The following RAB3IL1 variants were observed in gnomAD, a reference collection of about 807,000 sequenced individuals.
The protein encoded by RAB3IL1 is RAB3A interacting protein like 1.
A neutral mutation model predicts 49.2 loss-of-function variants in RAB3IL1; 37 were observed. That is an observed-to-expected ratio of 0.75 (90% CI 0.58 to 0.99). The LOEUF is 0.99. RAB3IL1 is among the 50% of genes least tolerant of loss of function. The pLI, the probability that RAB3IL1 is intolerant of heterozygous loss-of-function variation, is 0.00. For missense variants in RAB3IL1, 484 were observed against 513.0 expected (o/e 0.94, Z 0.55); for synonymous variants, 193 against 213.9 (o/e 0.90, Z 0.85).
At chr11:61,899,010 G>T (rs1198972704) in intron 9 of RAB3IL1, 2 of 530,592 alleles carry the variant, frequency 3.8e-6, no homozygotes, top group Admixed American at 2.3e-5. Context: ...GGGTGACCCT[G>T]TGTTCAGGTG....
At chr11:61,902,659 TC>T in intron 7 of RAB3IL1, 118 bp from the exon 8 acceptor site, 4 of 911,712 alleles carry the variant, frequency 4.4e-6, no homozygotes, top group Non-Finnish European at 5.0e-6. Context: ...AGGCCTCCCT[TC>T]CCCCACCCGG....
At chr11:61,913,766 C>A (rs1939563819) in intron 1 of RAB3IL1, among the ~76,000 whole-genome samples, 1 of 152,208 alleles carries the variant, frequency 6.6e-6, no homozygotes, top group African/African-American at 2.4e-5. Flanking sequence ...CAGCCATGAT[C>A]CATCCAATCT....
intron 8 of RAB3IL1, among the ~76,000 whole-genome samples, chr11:61,902,128 A>G (rs1938947237): frequency 6.6e-6 from 1 of 152,028 alleles, no homozygotes; most frequent in South Asian, 2.1e-4. Flanking sequence ...CAGCCTGGCC[A>G]ACGTGGTGAA....
At chr11:61,923,728 G>A (rs918089744), upstream of RAB3IL1, among the ~76,000 whole-genome samples, 1 of 152,198 alleles carries the variant, frequency 6.6e-6, no homozygotes, top group African/African-American at 2.4e-5. Context: ...CTGAAAGCCA[G>A]TTCTGGCTGC....
the RAB3IL1 span, among the ~76,000 whole-genome samples, chr11:61,938,709 T>C: frequency 6.6e-6 from 1 of 152,116 alleles, no homozygotes; most frequent in Non-Finnish European, 1.5e-5. Flanking sequence ...GCAGATCACC[T>C]GAGGTCAGGA....
At position 61,898,489 on chromosome 11, in the gene RAB3IL1, C is replaced by T. The variant is rs1367618600; in HGVS notation, c.1067-129G>A. The stretch of plus-strand genomic sequence containing the variant: ...ACCCTAGGGTCCCCGGCCCCCAAAA[C>T]AGATGACCTCAGTGAGTGGCTGGAC... On this transcript the variant is annotated intron_variant, in intron 9 of 9. Transcript: ENST00000394836. The surrounding 1 kb of genome is among the most constrained non-coding windows in gnomAD (Gnocchi z 5.1). 2.7e-6 allele frequency: 2 copies of T among 727,398 alleles called. No individual in the cohort carries two copies. Among genetic ancestry groups the T allele is most frequent in the South Asian group, 1.6e-5 (1 of 62,662 alleles). The allele number at this position is 727,398 out of a possible 1,614,324, so 45.1% of individuals were successfully genotyped here. A position where few individuals can be genotyped will look rare whatever the true frequency, so the allele number is the denominator to read the frequency against.
At chr11:61,900,919 T>G (rs1157622043) in intron 8 of RAB3IL1, among the ~76,000 whole-genome samples, 2 of 151,564 alleles carry the variant, frequency 1.3e-5, no homozygotes. Context: ...AAGTGGCCAC[T>G]GAACAAGGCT....
At position 61,900,525 on chromosome 11, in the gene RAB3IL1, C is replaced by T. The variant is rs192814223; in HGVS notation, c.1000-1145G>A. On this transcript the variant is annotated intron_variant, in intron 8 of 9. Coordinates refer to ENST00000394836, the MANE Select transcript of RAB3IL1 (RefSeq NM_013401.4). ...GGACCAGCCCGTCGTGGCAGGGACA[C>T]CGCTGCACAGGGAGGGTTGAGGAGA... Among the ~76,000 whole-genome samples, 6 of 152,130 alleles carry T rather than the reference C, an allele frequency of 3.9e-5. No homozygotes were observed. The East Asian group carries it at 9.6e-4, about 24-fold the overall frequency.
the RAB3IL1 span, among the ~76,000 whole-genome samples, chr11:61,930,975 G>A: frequency 5.2e-3 from 786 of 152,240 alleles, 5 homozygotes; most frequent in Middle Eastern, 0.024. Flanking sequence ...GGGGAAAATA[G>A]ACACATCTAT....
rs146307167 is a variant in RAB3IL1 at position 61,906,611 on chromosome 11, C to T, written c.512G>A (p.Arg171His). Residue 171 changes from arginine (R) to histidine (H), a missense_variant, in exon 5 of 10, where the codon CGC becomes CAC. By Grantham distance (29) the Arg-to-His change is conservative. Transcript: ENST00000394836. The surrounding 1 kb of genome is among the most constrained non-coding windows in gnomAD (Gnocchi z 4.6). ...GCTCAGCAGCTGGGGGTGAAGCTCG[C>T]GGTTGGGAGAGGCTGGTGTGGACGT... ...VITSTPASPN[R>H]ELHPQLLSPT... The T allele has an allele frequency of 1.4e-5, 23 of 1,611,566 alleles. No homozygotes were observed. The highest frequency in any genetic ancestry group is 1.2e-4 in the Admixed American group (7 of 59,742).
chr11:61,898,449 AGCAGCTG>A lies in RAB3IL1; in HGVS notation c.1067-96_1067-90del. 1 of 1,137,316 alleles carries A rather than the reference AGCAGCTG, an allele frequency of 8.8e-7. No individual in the cohort carries two copies. Among genetic ancestry groups the A allele is most frequent in the African/African-American group, 1.5e-5 (1 of 65,830 alleles). The allele number at this position is 1,137,316 out of a possible 1,614,324, so 70.5% of individuals were successfully genotyped here. Reference sequence around the variant, plus strand: ...GGTCCCCTCCTGTGGCTTTGGACAGAGCAGCTGGCACAGCACCCTAGGGTCCCCGGCC... The same window carrying A: ...GGTCCCCTCCTGTGGCTTTGGACAGAGCACAGCACCCTAGGGTCCCCGGCC... On this transcript the variant is annotated intron_variant, in intron 9 of 9. Transcript: ENST00000394836. The surrounding 1 kb of genome is among the most constrained non-coding windows in gnomAD (Gnocchi z 5.1).
At chr11:61,943,109 G>A in the RAB3IL1 span, among the ~76,000 whole-genome samples, 30 of 152,280 alleles carry the variant, frequency 2.0e-4, no homozygotes, top group Admixed American at 3.3e-4. Flanking sequence ...AAATTTCTAC[G>A]TAGCTACATA....
rs779642623 is a variant in RAB3IL1 at position 61,904,891 on chromosome 11, G to A, written c.658-9C>T. On this transcript the variant is annotated splice_polypyrimidine_tract_variant and intron_variant, in intron 5 of 9. Coordinates refer to ENST00000394836, the MANE Select transcript of RAB3IL1 (RefSeq NM_013401.4). ...AACAGGATTGTGTCCACCTGTGGGG[G>A]AGGGCAAGCGAGGGTGGGGGCGGTC... The A allele has an allele frequency of 1.9e-6, 3 of 1,573,926 alleles. No homozygotes were observed. Among genetic ancestry groups the A allele is most frequent in the African/African-American group, 1.4e-5 (1 of 74,046 alleles).
At chr11:61,903,956 C>A (rs894073227) in intron 7 of RAB3IL1, among the ~76,000 whole-genome samples, 2 of 152,058 alleles carry the variant, frequency 1.3e-5, no homozygotes, top group Non-Finnish European at 2.9e-5. Flanking sequence ...GCCAGATGCC[C>A]CAGTGGTGCT....
chr11:61,899,354 G>A lies in RAB3IL1; in HGVS notation c.1026C>T (p.Thr342=). ...GGCCTTGCTGGATGTAGCGGATGTAGGTGAAGAAGTTGCACACTGCGGTGA... is the reference window on the plus strand; with the variant it reads ...GGCCTTGCTGGATGTAGCGGATGTAAGTGAAGAAGTTGCACACTGCGGTGA... ...ARITAVCNFF[T]YIRYIQQGLV... is the part of the protein sequence containing the mutation. Residue 342 remains threonine (T), a synonymous_variant, in exon 9 of 10, where the codon ACC becomes ACT. Transcript: ENST00000394836. 1 of 1,609,360 alleles carries A rather than the reference G, an allele frequency of 6.2e-7. No individual in the cohort carries two copies. The highest frequency in any genetic ancestry group is 1.1e-5 in the South Asian group (1 of 90,996).
upstream of RAB3IL1, among the ~76,000 whole-genome samples, chr11:61,922,506 G>A (rs113695813): frequency 2.2e-3 from 330 of 151,862 alleles, 5 homozygotes; most frequent in African/African-American, 7.8e-3. Context: ...TGGGCAACAA[G>A]AGCCAAACTC....
chr11:61,925,109 C>G (rs1437085943), upstream of RAB3IL1, among the ~76,000 whole-genome samples: 4 of 152,172 alleles, frequency 2.6e-5, no homozygotes, highest in Non-Finnish European at 5.9e-5. Context: ...CCCGACAGTC[C>G]TTGGTGGTCC....
chr11:61,924,088 G>C (rs1024222902), upstream of RAB3IL1, among the ~76,000 whole-genome samples: 28 of 152,182 alleles, frequency 1.8e-4, no homozygotes, highest in African/African-American at 6.3e-4. Context: ...ACAGCACTTT[G>C]AGAACACTAA....
chr11:61,902,452 G>A lies in RAB3IL1; in HGVS notation c.989C>T (p.Ser330Phe). ...SKSHYYISPS[S>F]RARITAVCNF... ...CAAAGGCTGACTCACCCTGGCCCGG[G>A]AAGATGGCGAGATGTAGTAATGGCT... The change falls in exon 8 of 10, where the codon TCC becomes TTC. Residue 330 changes from serine (S) to phenylalanine (F), a missense_variant. Coordinates refer to ENST00000394836, the MANE Select transcript of RAB3IL1 (RefSeq NM_013401.4). The A allele has an allele frequency of 6.3e-7, 1 of 1,593,162 alleles. No homozygotes were observed. Among genetic ancestry groups the A allele is most frequent in the Non-Finnish European group, 8.5e-7 (1 of 1,171,788 alleles).
Sources: gnomAD v4.1 joint callset for allele counts (sites outside exome capture counted in the v4.1 genomes callset) on GRCh38, gnomAD v4.1.1 for gene constraint, Gnocchi (gnomAD v3.1) non-coding constraint, MANE v1.5 for transcripts, NCBI Gene and HGNC (gene_info 2026-07-23, HGNC 2026-07-21) for gene names.